AGBL1: variants seen among roughly 807,000 people sequenced by gnomAD.
AGBL1 encodes the protein AGBL carboxypeptidase 1.
In AGBL1, 130 loss-of-function variants were observed where a neutral mutation model predicts 118.9. That is an observed-to-expected ratio of 1.09 (90% CI 0.95 to 1.26). The LOEUF is 1.26. Ranked by LOEUF, AGBL1 falls within the 50% of genes most tolerant of loss-of-function variation. The pLI is 0.00. For synonymous variants in AGBL1, 555 were observed against 478.9 expected (o/e 1.16, Z -2.08); for missense variants, 1,584 against 1,298.1 (o/e 1.22, Z -3.38).
At chr15:86,281,091 A>T (rs768113823) in intron 16 of AGBL1, among the ~76,000 whole-genome samples, 3 of 152,196 alleles carry the variant, frequency 2.0e-5, no homozygotes, top group Non-Finnish European at 4.4e-5. Flanking sequence ...GCACATGAAA[A>T]GTCTACTGTG....
At chr15:86,979,886 C>G (rs979447282) in intron 23 of AGBL1, among the ~76,000 whole-genome samples, 1 of 152,096 alleles carries the variant, frequency 6.6e-6, no homozygotes, top group South Asian at 2.1e-4. Flanking sequence ...TCACTGTTTC[C>G]CTTTCCCATC....
intron 5 of AGBL1, among the ~76,000 whole-genome samples, chr15:86,218,104 T>C (rs1316016971): frequency 6.6e-6 from 1 of 152,232 alleles, no homozygotes; most frequent in African/African-American, 2.4e-5. Flanking sequence ...TTAAAATATA[T>C]GTTCCAACCA....
intron 22 of AGBL1, among the ~76,000 whole-genome samples, chr15:86,845,761 A>G (rs538377002): frequency 3.3e-4 from 51 of 152,284 alleles, no homozygotes; most frequent in African/African-American, 1.2e-3. Flanking sequence ...CTTGTTATAG[A>G]TATATTTGTA....
intron 24 of AGBL1, among the ~76,000 whole-genome samples, chr15:87,009,572 G>T (rs1308775599): frequency 6.6e-6 from 1 of 152,152 alleles, no homozygotes; most frequent in African/African-American, 2.4e-5. Context: ...AGGCCCACTG[G>T]CCTCCAGCCC....
chr15:87,018,047 C>G (rs2081624492), intron 24 of AGBL1, among the ~76,000 whole-genome samples: 1 of 79,848 alleles, frequency 1.3e-5, no homozygotes, highest in Non-Finnish European at 2.8e-5. Flanking sequence ...GAATATCTTT[C>G]TAAAATAGGC....
chr15:86,632,383 C>A (rs1157761064), intron 21 of AGBL1, among the ~76,000 whole-genome samples: 1 of 151,792 alleles, frequency 6.6e-6, no homozygotes, highest in East Asian at 1.9e-4. Context: ...GCGGAGGTTG[C>A]GGTGAGCCGA....
intron 21 of AGBL1, among the ~76,000 whole-genome samples, chr15:86,593,368 G>A (rs1373668365): frequency 6.6e-6 from 1 of 150,762 alleles, no homozygotes; most frequent in African/African-American, 2.4e-5. Flanking sequence ...TGCTACTGAT[G>A]TGTCTCATCA....
At chr15:86,866,344 C>A (rs568578830) in intron 22 of AGBL1, among the ~76,000 whole-genome samples, 8 of 152,234 alleles carry the variant, frequency 5.3e-5, no homozygotes, top group African/African-American at 1.7e-4. Context: ...ATGGCCTGAG[C>A]CATATTTACT....
At chr15:86,855,180 T>C (rs796905102) in intron 22 of AGBL1, among the ~76,000 whole-genome samples, 3 of 152,368 alleles carry the variant, frequency 2.0e-5, no homozygotes, top group Admixed American at 6.5e-5. Flanking sequence ...ATAAATTATA[T>C]ATATTCAGTG....
At chr15:86,783,240 C>T (rs1380708026) in intron 22 of AGBL1, among the ~76,000 whole-genome samples, 1 of 152,164 alleles carries the variant, frequency 6.6e-6, no homozygotes, top group African/African-American at 2.4e-5. Flanking sequence ...ATTCTTCTAC[C>T]ACGAGTCCTA....
In AGBL1 at chr15:86,093,796, A is replaced by C. The variant is rs184751339; in HGVS notation, c.51+13773A>C. ...TACACAGAGTGAGAAGGTTGGACAT[A>C]CATTTAATTGGAGTTCTGGAAGGGA... is the stretch of plus-strand genomic sequence containing the variant. On this transcript the variant is annotated intron_variant, in intron 1 of 22. Coordinates refer to ENST00000614907, the MANE Select transcript of AGBL1 (RefSeq NM_001386094.1). Among the ~76,000 whole-genome samples, 556 of 152,288 alleles carry C rather than the reference A, an allele frequency of 3.7e-3. 4 individuals carry two copies. The highest frequency in any genetic ancestry group is 6.6e-3 in the Non-Finnish European group (452 of 68,008).
intron 5 of AGBL1, among the ~76,000 whole-genome samples, chr15:86,216,628 T>C (rs968357166): frequency 6.6e-6 from 1 of 152,196 alleles, no homozygotes; most frequent in Admixed American, 6.5e-5. Flanking sequence ...TACTCCTGTG[T>C]GTAATCCTTT....
chr15:86,919,614 C>A (rs1228387770), downstream of AGBL1, among the ~76,000 whole-genome samples: 2 of 142,972 alleles, frequency 1.4e-5, no homozygotes, highest in African/African-American at 2.6e-5. Flanking sequence ...ACACACACAC[C>A]CGACTACCTA....
At chr15:86,992,074 G>C (rs2081341113) in intron 24 of AGBL1, among the ~76,000 whole-genome samples, 1 of 152,096 alleles carries the variant, frequency 6.6e-6, no homozygotes, top group Non-Finnish European at 1.5e-5. Context: ...GCATCTGCTT[G>C]GCTTCTGGTG....
rs773096425 is a variant in AGBL1 at position 86,247,774 on chromosome 15, C to CCGA, written c.633_635dup (p.Arg212dup). 3.1e-6 allele frequency: 5 copies of CCGA among 1,613,872 alleles called. No homozygotes were observed. Among genetic ancestry groups the CCGA allele is most frequent in the Non-Finnish European group, 4.2e-6 (5 of 1,179,868 alleles). On this transcript the variant is annotated inframe_insertion, in exon 7 of 23. Transcript: ENST00000614907. ...ACACAGCCAACGCCTACGTGCAGAT[C>CCGA]CGACGGGGCTTGCTGCTCTGCCTCA...
At chr15:86,458,667 T>G (rs1464283083) in intron 18 of AGBL1, among the ~76,000 whole-genome samples, 6 of 152,154 alleles carry the variant, frequency 3.9e-5, no homozygotes, top group African/African-American at 1.4e-4. Context: ...AGCAATACAT[T>G]TACTGTCCCA....
intron 5 of AGBL1, among the ~76,000 whole-genome samples, chr15:86,203,263 T>G (rs1367229038): frequency 1.3e-5 from 2 of 152,188 alleles, no homozygotes; most frequent in Non-Finnish European, 2.9e-5. Flanking sequence ...CAACACATTT[T>G]CAAGAGCCTG....
chr15:86,421,299 C>A (rs868303866), intron 18 of AGBL1, among the ~76,000 whole-genome samples: 1 of 152,194 alleles, frequency 6.6e-6, no homozygotes, highest in South Asian at 2.1e-4. Flanking sequence ...GAGAGTGGGG[C>A]CAATATTCAA....
At chr15:86,251,363 A>G (rs1371298433) in intron 7 of AGBL1, among the ~76,000 whole-genome samples, 6 of 152,100 alleles carry the variant, frequency 3.9e-5, no homozygotes, top group Non-Finnish European at 7.4e-5. Flanking sequence ...TTGGACATCA[A>G]TCTCAGAGTT....
Sources: gnomAD v4.1 joint callset for allele counts (sites outside exome capture counted in the v4.1 genomes callset) on GRCh38, gnomAD v4.1.1 for gene constraint, MANE v1.5 for transcripts, NCBI Gene and HGNC (gene_info 2026-07-23, HGNC 2026-07-21) for gene names.